The following MLLT1 variants were observed in gnomAD, a reference collection of about 807,000 sequenced individuals.
MLLT1 encodes MLLT1 super elongation complex subunit, also known as protein ENL.
In MLLT1, 11 loss-of-function variants were observed where a neutral mutation model predicts 55.1. The observed-to-expected ratio is 0.20, with a 90% CI of 0.13 to 0.33. The LOEUF (loss-of-function observed/expected upper bound fraction) is 0.33. MLLT1 is among the 10% of genes least tolerant of loss of function. The pLI is 1.00. For synonymous variants in MLLT1, 323 were observed against 320.1 expected (o/e 1.01, Z -0.10); for missense variants, 536 against 760.6 (o/e 0.70, Z 3.47).
intron 3 of MLLT1, among the ~76,000 whole-genome samples, chr19:6,244,414 T>C (rs2091147499): frequency 1.3e-5 from 2 of 150,254 alleles, no homozygotes; most frequent in South Asian, 4.2e-4. Flanking sequence ...AGGGCCTCCC[T>C]TACTAGATAC....
At chr19:6,271,290 T>G (rs982569348) in intron 1 of MLLT1, among the ~76,000 whole-genome samples, 3 of 152,228 alleles carry the variant, frequency 2.0e-5, no homozygotes, top group African/African-American at 7.2e-5. Context: ...CACCTAAGCT[T>G]GTTGACTCCA....
In MLLT1 at chr19:6,230,842, A is replaced by G; in HGVS notation, c.277-129T>C. On this transcript the variant is annotated intron_variant, in intron 3 of 11. Transcript: ENST00000252674. This position sits in a 1 kb window ranked among gnomAD's most constrained non-coding sequence, Gnocchi z 9.0. The stretch of plus-strand genomic sequence containing the variant: ...GTTCCCCTCCCTCCGATTTGCGCCC[A>G]CTTCTCTCTCAGGGCACCTCCTGCC... 8.3e-7 allele frequency: 1 copy of G among 1,206,380 alleles called. No homozygotes were observed. Among genetic ancestry groups the G allele is most frequent in the African/African-American group, 1.5e-5 (1 of 66,106 alleles). The allele number at this position is 1,206,380 out of a possible 1,614,324, so 74.7% of individuals were successfully genotyped here.
chr19:6,237,892 C>T lies in MLLT1; in HGVS notation c.277-7179G>A, dbSNP rs117721824. On this transcript the variant is annotated intron_variant, in intron 3 of 11. Transcript: ENST00000252674. Reference sequence around the variant, plus strand: ...TGAAGTGGGAGGATCGCTTTGAGGTCGGAAGTTTGAGTCCAGCCTCATGCA... The same window carrying T: ...TGAAGTGGGAGGATCGCTTTGAGGTTGGAAGTTTGAGTCCAGCCTCATGCA... 7.2e-5 allele frequency among the ~76,000 whole-genome samples: 11 copies of T among 152,074 alleles called. No individual in the cohort carries two copies. The East Asian group carries it at 1.9e-3, about 27-fold the overall frequency.
In MLLT1 at chr19:6,265,926, C is replaced by A. The variant is rs529375233; in HGVS notation, c.194-3616G>T. Reference sequence around the variant, plus strand: ...CCCGGGAGGCGGAGGTTGCAGTGAGCCGAGAACGCGCCACTGCACTCCAGC... The same window carrying A: ...CCCGGGAGGCGGAGGTTGCAGTGAGACGAGAACGCGCCACTGCACTCCAGC... On this transcript the variant is annotated intron_variant, in intron 2 of 11. Transcript: ENST00000252674. 1.2e-4 allele frequency among the ~76,000 whole-genome samples: 18 copies of A among 151,718 alleles called. 1 individual carries two copies. The highest frequency in any genetic ancestry group is 3.9e-4 in the African/African-American group (16 of 41,348).
At chr19:6,268,613 C>T (rs1223739494) in intron 2 of MLLT1, among the ~76,000 whole-genome samples, 1 of 152,112 alleles carries the variant, frequency 6.6e-6, no homozygotes, top group African/African-American at 2.4e-5. Context: ...AGGTTCACTC[C>T]CTCTCTAAAG....
intron 3 of MLLT1, among the ~76,000 whole-genome samples, chr19:6,234,290 C>T (rs959693566): frequency 3.3e-5 from 5 of 152,220 alleles, no homozygotes; most frequent in Admixed American, 2.6e-4. Context: ...GGGCCTTGGC[C>T]GCCCCTGCGG....
At chr19:6,275,346 G>T (rs903786824) in intron 1 of MLLT1, among the ~76,000 whole-genome samples, 5 of 152,138 alleles carry the variant, frequency 3.3e-5, no homozygotes, top group Non-Finnish European at 7.3e-5. Context: ...TGATTTTGAG[G>T]TCCTCCTGGG....
chr19:6,251,088 G>T (rs751744770), intron 3 of MLLT1, among the ~76,000 whole-genome samples: 1 of 152,110 alleles, frequency 6.6e-6, no homozygotes, highest in East Asian at 1.9e-4. Context: ...AGGAACAGTG[G>T]CGATGGGGGG....
At chr19:6,274,628 C>T (rs1043514836) in intron 1 of MLLT1, among the ~76,000 whole-genome samples, 5 of 152,168 alleles carry the variant, frequency 3.3e-5, no homozygotes, top group African/African-American at 7.2e-5. Context: ...CTGGAATAGA[C>T]GGCTGGAAAT....
At chr19:6,267,777 T>C (rs892813569) in intron 2 of MLLT1, among the ~76,000 whole-genome samples, 19 of 152,188 alleles carry the variant, frequency 1.2e-4, no homozygotes, top group Non-Finnish European at 5.9e-5. Flanking sequence ...GTCTTGGTCT[T>C]CGTCAATAAG....
At chr19:6,254,107 G>T (rs2091239849) in intron 3 of MLLT1, among the ~76,000 whole-genome samples, 1 of 152,184 alleles carries the variant, frequency 6.6e-6, no homozygotes, top group East Asian at 1.9e-4. Flanking sequence ...GTGATAGGTG[G>T]CTGGAATTTT....
At chr19:6,267,142 C>G (rs766819410) in intron 2 of MLLT1, among the ~76,000 whole-genome samples, 1 of 152,020 alleles carries the variant, frequency 6.6e-6, no homozygotes, top group South Asian at 2.1e-4. Flanking sequence ...CGCTCTGTCG[C>G]CCAGGCCGGA....
chr19:6,271,771 T>C (rs375566331), intron 1 of MLLT1, among the ~76,000 whole-genome samples: 1 of 152,252 alleles, frequency 6.6e-6, no homozygotes, highest in African/African-American at 2.4e-5. Flanking sequence ...AGTGCTGAGA[T>C]AGCCGGGAGC....
rs529745437 is a variant in MLLT1 at position 6,261,527 on chromosome 19, G to GGGAAA, written c.276+696_276+700dup. Among the ~76,000 whole-genome samples, 102 of 152,102 alleles carry GGGAAA rather than the reference G, an allele frequency of 6.7e-4. 1 individual carries two copies. In the South Asian group the frequency reaches 0.021, roughly 31 times the overall value. On this transcript the variant is annotated intron_variant, in intron 3 of 11. Transcript: ENST00000252674. ...TCCATGCCGGGCCAGCTGCACTTGT[G>GGGAAA]GGAAAGCAGCCGGCCATGGACAAGC...
chr19:6,212,649 T>G lies in MLLT1; in HGVS notation c.*393A>C. The G allele has an allele frequency of 9.0e-7, 1 of 1,112,936 alleles. No individual in the cohort carries two copies. Among genetic ancestry groups the G allele is most frequent in the East Asian group, 4.7e-5 (1 of 21,166 alleles). 68.9% of individuals were successfully genotyped at this position (1,112,936 alleles called of 1,614,324 possible). A position where few individuals can be genotyped will look rare whatever the true frequency, so the allele number is the denominator to read the frequency against. On this transcript the variant is annotated 3_prime_UTR_variant, in exon 12 of 12. Coordinates refer to ENST00000252674, the MANE Select transcript of MLLT1 (RefSeq NM_005934.4). The stretch of plus-strand genomic sequence containing the variant: ...TCTGAACCATTCGGGAGGCTGGAGA[T>G]GCCCCCCAGCCGTCGATCCGCTGCT...
In MLLT1 at chr19:6,262,353, G is replaced by A; in HGVS notation, c.194-43C>T. 1 of 1,557,640 alleles carries A rather than the reference G, an allele frequency of 6.4e-7. No homozygotes were observed. Among genetic ancestry groups the A allele is most frequent in the South Asian group, 1.1e-5 (1 of 89,914 alleles). ...AAACACACCCATCAGCCTCCTGCCT[G>A]TTTCAGGCCCAGCTGCCAGCGGCAG... On this transcript the variant is annotated intron_variant, in intron 2 of 11. Transcript: ENST00000252674. The surrounding 1 kb of genome is among the most constrained non-coding windows in gnomAD (Gnocchi z 4.4).
intron 3 of MLLT1, among the ~76,000 whole-genome samples, chr19:6,233,530 G>A (rs2091032148): frequency 6.6e-6 from 1 of 152,194 alleles, no homozygotes. Flanking sequence ...ACAGGCTTGG[G>A]TAAGGACATG....
rs776647572 is a variant in MLLT1 at position 6,262,919 on chromosome 19, C to T, written c.194-609G>A. 6.6e-6 allele frequency: 1 copy of T among 152,364 alleles called. No individual in the cohort carries two copies. Among genetic ancestry groups the T allele is most frequent in the African/African-American group, 2.4e-5 (1 of 41,426 alleles). The allele number at this position is 152,364 out of a possible 1,614,324, so 9.4% of individuals were successfully genotyped here. ...AAAAAAAAGGCCGGACACGGTGGCT[C>T]ACACCTGTAATCCCAGCACTTTGGG... is the stretch of plus-strand genomic sequence containing the variant. On this transcript the variant is annotated intron_variant, in intron 2 of 11. Coordinates refer to ENST00000252674, the MANE Select transcript of MLLT1 (RefSeq NM_005934.4). The surrounding 1 kb of genome is among the most constrained non-coding windows in gnomAD (Gnocchi z 4.4).
At chr19:6,215,750 G>A (rs750288887) in intron 8 of MLLT1, among the ~76,000 whole-genome samples, 1 of 152,186 alleles carries the variant, frequency 6.6e-6, no homozygotes, top group Non-Finnish European at 1.5e-5. Flanking sequence ...CTCTGCTACA[G>A]CTTTGGAAAA....
Sources: allele counts gnomAD v4.1 joint callset (sites outside exome capture counted in the v4.1 genomes callset), GRCh38; gene constraint gnomAD v4.1.1; non-coding constraint Gnocchi (gnomAD v3.1); transcripts MANE v1.5; gene names NCBI Gene and HGNC (gene_info 2026-07-23, HGNC 2026-07-21).